PPARGC1A: variants seen among roughly 807,000 people sequenced by gnomAD.
The protein encoded by PPARGC1A is PPARG coactivator 1 alpha, also known as peroxisome proliferator-activated receptor gamma coactivator 1-alpha.
In PPARGC1A, 25 loss-of-function variants were observed where a neutral mutation model predicts 88.7. That is an observed-to-expected ratio of 0.28 (90% CI 0.21 to 0.39). The LOEUF is 0.39. Ranked by LOEUF, PPARGC1A falls within the 10% of genes least tolerant of loss-of-function variation. The pLI, the probability that PPARGC1A is intolerant of heterozygous loss-of-function variation, is 1.00. For synonymous variants in PPARGC1A, 363 were observed against 355.6 expected (o/e 1.02, Z -0.24); for missense variants, 880 against 968.7 (o/e 0.91, Z 1.22).
chr4:23,878,454 C>A (rs1181216102), intron 2 of PPARGC1A, among the ~76,000 whole-genome samples: 1 of 151,852 alleles, frequency 6.6e-6, no homozygotes, highest in Non-Finnish European at 1.5e-5. Context: ...GGTCACGTAA[C>A]CTGCATCCTG....
At chr4:24,471,186 G>A in the PPARGC1A span, among the ~76,000 whole-genome samples, 1 of 151,768 alleles carries the variant, frequency 6.6e-6, no homozygotes, top group Non-Finnish European at 1.5e-5. This position sits in a 1 kb window ranked among gnomAD's most constrained non-coding sequence, Gnocchi z 5.4. Flanking sequence ...CCCCCGCGGT[G>A]CGCGCTCCGC....
chr4:24,368,464 T>C, the PPARGC1A span, among the ~76,000 whole-genome samples: 3 of 152,172 alleles, frequency 2.0e-5, no homozygotes, highest in African/African-American at 7.2e-5. Context: ...ATATCATTTA[T>C]AGTTTTCTCT....
intron 7 of PPARGC1A, among the ~76,000 whole-genome samples, chr4:23,819,900 C>T (rs2970852): frequency 0.25 from 38,318 of 151,950 alleles, 5,232 homozygotes; most frequent in Admixed American, 0.34. Flanking sequence ...TTAAAACTAC[C>T]GACAACTACC....
the PPARGC1A span, among the ~76,000 whole-genome samples, chr4:24,219,152 TCCAG>T: frequency 7.5e-3 from 1,141 of 152,306 alleles, 45 homozygotes; most frequent in Admixed American, 0.066. Flanking sequence ...ATAACTGGTA[TCCAG>T]CCAAACCTCT....
At chr4:23,839,807 A>ACG (rs902515455) in intron 2 of PPARGC1A, among the ~76,000 whole-genome samples, 1 of 40,222 alleles carries the variant, frequency 2.5e-5, no homozygotes, top group East Asian at 6.0e-4. Context: ...CAGAAAAAAA[A>ACG]AGAAGTTTGT....
upstream of PPARGC1A, among the ~76,000 whole-genome samples, chr4:23,903,641 A>T (rs1010721453): frequency 2.0e-5 from 3 of 152,204 alleles, no homozygotes; most frequent in Non-Finnish European, 4.4e-5. Context: ...ATTCTCCCCC[A>T]GAAAACTGGA....
At chr4:24,334,720 T>A in the PPARGC1A span, among the ~76,000 whole-genome samples, 2 of 152,164 alleles carry the variant, frequency 1.3e-5, no homozygotes, top group Admixed American at 6.5e-5. Context: ...CATGTGAAGG[T>A]GGGGAGCTGT....
the PPARGC1A span, among the ~76,000 whole-genome samples, chr4:24,257,363 G>A: frequency 1.0e-3 from 159 of 152,196 alleles, 2 homozygotes; most frequent in African/African-American, 3.7e-3. Context: ...CTCTATGATC[G>A]ATTTTAAAGG....
chr4:24,186,011 A>G, the PPARGC1A span, among the ~76,000 whole-genome samples: 1 of 152,168 alleles, frequency 6.6e-6, no homozygotes, highest in Non-Finnish European at 1.5e-5. Flanking sequence ...AAAAAAAATT[A>G]TTAAAGTAAT....
At chr4:23,807,285 G>T (rs921465698) in intron 10 of PPARGC1A, among the ~76,000 whole-genome samples, 1 of 152,098 alleles carries the variant, frequency 6.6e-6, no homozygotes, top group African/African-American at 2.4e-5. Flanking sequence ...CGTTAATATT[G>T]ATTATCTAAC....
the PPARGC1A span, among the ~76,000 whole-genome samples, chr4:24,212,361 T>G: frequency 6.6e-6 from 1 of 152,214 alleles, no homozygotes; most frequent in African/African-American, 2.4e-5. Flanking sequence ...GCCTGAGCTT[T>G]GGTAATAGGC....
the PPARGC1A span, among the ~76,000 whole-genome samples, chr4:24,458,368 G>A: frequency 6.6e-6 from 1 of 152,096 alleles, no homozygotes; most frequent in Admixed American, 6.6e-5. Flanking sequence ...GAGTGTAGTG[G>A]CACACGCCTG....
chr4:24,038,157 C>T, the PPARGC1A span, among the ~76,000 whole-genome samples: 1 of 152,140 alleles, frequency 6.6e-6, no homozygotes, highest in Non-Finnish European at 1.5e-5. Flanking sequence ...AGTGGATGAC[C>T]AGGAGAATGT....
At chr4:24,384,649 G>T in the PPARGC1A span, among the ~76,000 whole-genome samples, 1 of 151,452 alleles carries the variant, frequency 6.6e-6, no homozygotes. Flanking sequence ...ACAAAGAAGA[G>T]CATTACATAA....
chr4:24,090,398 C>T, the PPARGC1A span, among the ~76,000 whole-genome samples: 2 of 152,098 alleles, frequency 1.3e-5, no homozygotes, highest in African/African-American at 4.8e-5. Flanking sequence ...TTGCATACAA[C>T]AAAACATACC....
At chr4:24,198,992 GC>G in the PPARGC1A span, among the ~76,000 whole-genome samples, 4 of 152,176 alleles carry the variant, frequency 2.6e-5, no homozygotes, top group African/African-American at 9.7e-5. Context: ...GGGACATAAG[GC>G]AGGACAGATC....
At chr4:23,931,042 G>A in the PPARGC1A span, among the ~76,000 whole-genome samples, 1 of 151,802 alleles carries the variant, frequency 6.6e-6, no homozygotes, top group Non-Finnish European at 1.5e-5. Flanking sequence ...GGCCTCTGTT[G>A]CTTCACAGTC....
chr4:24,003,598 A>G, the PPARGC1A span, among the ~76,000 whole-genome samples: 184 of 152,284 alleles, frequency 1.2e-3, 1 homozygote, highest in African/African-American at 4.2e-3. Context: ...CATTTTAAGC[A>G]TAAGACCAGT....
the PPARGC1A span, among the ~76,000 whole-genome samples, chr4:24,449,395 A>C: frequency 2.0e-5 from 3 of 152,196 alleles, no homozygotes; most frequent in African/African-American, 7.2e-5. Flanking sequence ...CCTGTTGCTG[A>C]TCATTGTCTA....
Sources: allele counts gnomAD v4.1 joint callset (sites outside exome capture counted in the v4.1 genomes callset), GRCh38; gene constraint gnomAD v4.1.1; non-coding constraint Gnocchi (gnomAD v3.1); transcripts MANE v1.5; gene names NCBI Gene and HGNC (gene_info 2026-07-23, HGNC 2026-07-21).